PEAK1: variants seen among roughly 807,000 people sequenced by gnomAD.
PEAK1 encodes the protein inactive tyrosine-protein kinase PEAK1.
A neutral mutation model predicts 124.7 loss-of-function variants in PEAK1; 54 were observed. That is an observed-to-expected ratio of 0.43 (90% CI 0.35 to 0.54). The LOEUF (loss-of-function observed/expected upper bound fraction) is 0.54, where lower values mean the gene tolerates loss of function less well. Ranked by LOEUF, PEAK1 falls within the 20% of genes least tolerant of loss-of-function variation. The pLI is 0.01. For missense variants in PEAK1, 2,046 were observed against 2,134.5 expected (o/e 0.96, Z 0.82); for synonymous variants, 719 against 760.0 (o/e 0.95, Z 0.89).
upstream of PEAK1, chr15:77,420,630 A>T: frequency 2.6e-6 from 1 of 377,512 alleles, no homozygotes; most frequent in Non-Finnish European, 4.7e-6. Flanking sequence ...GCAATAAAAA[A>T]AAAAAAACTA....
chr15:77,266,773 G>A (rs987052474), intron 5 of PEAK1, among the ~76,000 whole-genome samples: 2 of 152,106 alleles, frequency 1.3e-5, no homozygotes, highest in Admixed American at 6.6e-5. Flanking sequence ...CCCACATCAC[G>A]AACTTCTGCT....
intron 5 of PEAK1, among the ~76,000 whole-genome samples, chr15:77,273,787 T>C (rs2062161471): frequency 6.6e-6 from 1 of 151,928 alleles, no homozygotes; most frequent in African/African-American, 2.4e-5. Flanking sequence ...ATCCTAAAAT[T>C]CACATGGAAC....
chr15:77,402,670 G>T (rs1000922151), intron 1 of PEAK1: 1 of 985,074 alleles, frequency 1.0e-6, no homozygotes, highest in East Asian at 1.1e-4. Flanking sequence ...ATAGTGTATC[G>T]TTTAGTTAAT....
In PEAK1 at chr15:77,113,835, T is replaced by G; in HGVS notation, c.*321A>C. On this transcript the variant is annotated 3_prime_UTR_variant, in exon 10 of 10. Coordinates refer to ENST00000682557, the MANE Select transcript of PEAK1 (RefSeq NM_001385026.1). ...AAATGGACACAGCTCACTGGCTGAGTTCATACCAAAGAAGCTGTCCCTTCA... is the reference window on the plus strand; with the variant it reads ...AAATGGACACAGCTCACTGGCTGAGGTCATACCAAAGAAGCTGTCCCTTCA... 3.1e-6 allele frequency: 1 copy of G among 326,162 alleles called. No homozygotes were observed. The highest frequency in any genetic ancestry group is 6.3e-5 in the East Asian group (1 of 15,762). 20.2% of individuals were successfully genotyped at this position (326,162 alleles called of 1,614,324 possible). A position where few individuals can be genotyped will look rare whatever the true frequency, so the allele number is the denominator to read the frequency against.
In PEAK1 at chr15:77,114,167, G is replaced by T; in HGVS notation, c.5230C>A (p.Gln1744Lys). 6.2e-7 allele frequency: 1 copy of T among 1,613,820 alleles called. No individual in the cohort carries two copies. The highest frequency in any genetic ancestry group is 2.2e-5 in the East Asian group (1 of 44,874). ...DSLSCIVKIL[Q>K]HR ...CATCCAGGTACACATTAACGGTGCT[G>T]CAGAATTTTCACAATACAACTGAGG... The change falls in exon 10 of 10, where the codon CAG (glutamine) becomes AAG (lysine). Residue 1744 changes from glutamine (Q) to lysine (K), a missense_variant. Transcript: ENST00000682557.
chr15:77,386,318 A>G (rs2141868037), intron 1 of PEAK1, among the ~76,000 whole-genome samples: 1 of 152,318 alleles, frequency 6.6e-6, no homozygotes, highest in East Asian at 1.9e-4. Context: ...AGTATTCCTA[A>G]GAATGGCTCT....
intron 1 of PEAK1, chr15:77,417,783 C>T (rs1486232074): frequency 1.0e-6 from 1 of 985,232 alleles, no homozygotes; most frequent in African/African-American, 1.7e-5. Context: ...TCTCATGATG[C>T]TTCACCACGG....
intron 2 of PEAK1, among the ~76,000 whole-genome samples, chr15:77,338,704 A>G (rs1424561459): frequency 1.3e-5 from 2 of 151,390 alleles, no homozygotes; most frequent in Admixed American, 6.6e-5. Flanking sequence ...GCTCTACAAA[A>G]TGAATCCCAC....
chr15:77,164,190 T>C (rs749481153), intron 7 of PEAK1, among the ~76,000 whole-genome samples: 3 of 152,246 alleles, frequency 2.0e-5, no homozygotes, highest in African/African-American at 4.8e-5. Flanking sequence ...TTTCCAATCA[T>C]TGACATTCTC....
intron 2 of PEAK1, among the ~76,000 whole-genome samples, chr15:77,311,685 C>CAAAAAAAAAAAAAAAAAAAAAAAA (rs11296386): frequency 2.3e-5 from 2 of 85,874 alleles, no homozygotes; most frequent in African/African-American, 4.5e-5. Flanking sequence ...CCAACCCCCA[C>CAAAAAAAAAAAAAAAAAAAAAAAA]AAAAAAAAAA....
chr15:77,230,053 T>C (rs182108952), intron 6 of PEAK1, among the ~76,000 whole-genome samples: 16 of 152,290 alleles, frequency 1.1e-4, no homozygotes, highest in Non-Finnish European at 2.2e-4. Context: ...GACACCATTC[T>C]CAAAGAGATA....
At chr15:77,260,065 A>G (rs2061360554) in intron 5 of PEAK1, among the ~76,000 whole-genome samples, 1 of 152,222 alleles carries the variant, frequency 6.6e-6, no homozygotes, top group Non-Finnish European at 1.5e-5. Context: ...GTTGCAATAC[A>G]AAGATTCTCA....
intron 2 of PEAK1, among the ~76,000 whole-genome samples, chr15:77,322,185 T>C (rs566462474): frequency 6.6e-6 from 1 of 152,118 alleles, no homozygotes; most frequent in African/African-American, 2.4e-5. Context: ...AGGAAAGATC[T>C]AAAATTGACA....
chr15:77,199,255 C>T (rs913310577), intron 6 of PEAK1, among the ~76,000 whole-genome samples: 1 of 152,222 alleles, frequency 6.6e-6, no homozygotes, highest in African/African-American at 2.4e-5. Flanking sequence ...CAGTAAGAGA[C>T]TGCCTTTTAA....
At chr15:77,402,605 G>A (rs1473061935) in intron 1 of PEAK1, 4 of 983,182 alleles carry the variant, frequency 4.1e-6, no homozygotes, top group Non-Finnish European at 4.8e-6. Context: ...AGTTTTGAAT[G>A]AAGGTACAAA....
intron 2 of PEAK1, chr15:77,335,314 G>A: frequency 1.0e-6 from 1 of 985,340 alleles, no homozygotes; most frequent in Non-Finnish European, 1.2e-6. Flanking sequence ...GGCATGAGTG[G>A]CATTAAGCTC....
intron 6 of PEAK1, among the ~76,000 whole-genome samples, chr15:77,228,692 A>G (rs1256175687): frequency 6.6e-6 from 1 of 152,134 alleles, no homozygotes; most frequent in Non-Finnish European, 1.5e-5. Context: ...TGCTTTCCCC[A>G]TTAAAAAAAT....
At chr15:77,230,391 G>C (rs1223351762) in intron 6 of PEAK1, among the ~76,000 whole-genome samples, 2 of 151,900 alleles carry the variant, frequency 1.3e-5, no homozygotes, top group African/African-American at 4.8e-5. Context: ...GTAGAGACAG[G>C]GTTTCACCAT....
At chr15:77,334,135 AT>A (rs1597338399) in intron 2 of PEAK1, 4 of 920,676 alleles carry the variant, frequency 4.3e-6, no homozygotes, top group African/African-American at 1.8e-5. Flanking sequence ...TACTTAAGAG[AT>A]TTTTTTTCTC....
Sources: allele counts gnomAD v4.1 joint callset (sites outside exome capture counted in the v4.1 genomes callset), GRCh38; gene constraint gnomAD v4.1.1; transcripts MANE v1.5; gene names NCBI Gene and HGNC (gene_info 2026-07-23, HGNC 2026-07-21).